Variants in SH3GL3 observed in about 807,000 individuals in gnomAD.
The protein encoded by SH3GL3 is endophilin-A3.
A neutral mutation model predicts 47.7 loss-of-function variants in SH3GL3; 33 were observed. The observed-to-expected ratio is 0.69, with a 90% confidence interval of 0.52 to 0.92. The LOEUF (loss-of-function observed/expected upper bound fraction) is 0.92, where lower values mean the gene tolerates loss of function less well. Among genes scored for constraint, SH3GL3 ranks in the 40% least tolerant of loss-of-function variants. SH3GL3 has a pLI of 0.00. For missense variants in SH3GL3, 363 were observed against 417.8 expected (o/e 0.87, Z 1.14); for synonymous variants, 155 against 148.8 (o/e 1.04, Z -0.30).
intron 1 of SH3GL3, among the ~76,000 whole-genome samples, chr15:83,494,662 G>A (rs1323292451): frequency 2.6e-5 from 4 of 151,520 alleles, no homozygotes; most frequent in Non-Finnish European, 5.9e-5. Flanking sequence ...CCTGCCTCAG[G>A]CTCCTGAGTA....
intron 7 of SH3GL3, 150 bp downstream of exon 7, chr15:83,587,236 G>A (rs2059979366): frequency 3.5e-6 from 2 of 564,590 alleles, no homozygotes; most frequent in Admixed American, 6.6e-5. Flanking sequence ...GGTTGGATGT[G>A]GGATGGGACT....
intron 6 of SH3GL3, among the ~76,000 whole-genome samples, chr15:83,584,541 T>A (rs1169618891): frequency 6.6e-6 from 1 of 152,204 alleles, no homozygotes; most frequent in Admixed American, 6.5e-5. Flanking sequence ...ACTTCACACA[T>A]TTGTCAACCA....
chr15:83,541,310 C>CAATTTTTTTTTTTTTTT (rs1567318555), intron 1 of SH3GL3, among the ~76,000 whole-genome samples: 2 of 47,750 alleles, frequency 4.2e-5, no homozygotes, highest in African/African-American at 1.3e-4. Flanking sequence ...TATGGTAATT[C>CAATTTTTTTTTTTTTTT]TATTTTTTTT....
the SH3GL3 span, among the ~76,000 whole-genome samples, chr15:83,626,951 C>G: frequency 6.6e-6 from 1 of 152,134 alleles, no homozygotes; most frequent in African/African-American, 2.4e-5. Flanking sequence ...TTATCCAGGT[C>G]TAAGGCAGGT....
At chr15:83,628,525 A>G in the SH3GL3 span, among the ~76,000 whole-genome samples, 2 of 152,102 alleles carry the variant, frequency 1.3e-5, no homozygotes, top group Admixed American at 1.3e-4. Context: ...GGTGGATCAC[A>G]TGAGGTCAGG....
chr15:83,459,688 C>G (rs2040173897), intron 1 of SH3GL3, among the ~76,000 whole-genome samples: 1 of 152,194 alleles, frequency 6.6e-6, no homozygotes. Flanking sequence ...TGCCTAATTT[C>G]AAATTGAAAG....
At chr15:83,457,005 TA>T (rs2151496762) in intron 1 of SH3GL3, among the ~76,000 whole-genome samples, 1 of 152,340 alleles carries the variant, frequency 6.6e-6, no homozygotes, top group East Asian at 1.9e-4. Context: ...ACCTCACCAA[TA>T]AAAATATAGC....
intron 1 of SH3GL3, among the ~76,000 whole-genome samples, chr15:83,520,591 G>A (rs1249430851): frequency 2.0e-5 from 3 of 152,184 alleles, no homozygotes; most frequent in African/African-American, 4.8e-5. Context: ...TACAGACTGA[G>A]CTACATGCTT....
intron 1 of SH3GL3, among the ~76,000 whole-genome samples, chr15:83,510,942 T>G (rs2042720504): frequency 6.8e-6 from 1 of 147,800 alleles, no homozygotes; most frequent in Non-Finnish European, 1.5e-5. Context: ...AATTGAACAA[T>G]GAGAACACTT....
intron 1 of SH3GL3, among the ~76,000 whole-genome samples, chr15:83,555,744 G>A (rs910908922): frequency 2.0e-5 from 3 of 152,102 alleles, no homozygotes; most frequent in African/African-American, 7.2e-5. Flanking sequence ...CTTGAACCCA[G>A]ACTCTGGTCT....
intron 5 of SH3GL3, among the ~76,000 whole-genome samples, chr15:83,574,774 C>T (rs530013641): frequency 6.6e-6 from 1 of 152,310 alleles, no homozygotes; most frequent in East Asian, 1.9e-4. Flanking sequence ...TCCCTGGTGA[C>T]GTTTTGCTTT....
downstream of SH3GL3, among the ~76,000 whole-genome samples, chr15:83,619,481 G>A (rs1055695306): frequency 1.3e-5 from 2 of 152,088 alleles, no homozygotes; most frequent in African/African-American, 4.8e-5. Context: ...ATACCTAGGC[G>A]ATGGGTTGGT....
intron 1 of SH3GL3, among the ~76,000 whole-genome samples, chr15:83,457,762 C>CT (rs35396226): frequency 1.3e-5 from 2 of 151,834 alleles, no homozygotes; most frequent in East Asian, 1.9e-4. Context: ...TTGATAAATC[C>CT]TTTTTTTTAA....
intron 1 of SH3GL3, among the ~76,000 whole-genome samples, chr15:83,545,564 T>G (rs909009888): frequency 4.6e-5 from 7 of 152,202 alleles, no homozygotes; most frequent in African/African-American, 1.7e-4. Context: ...TTCTGGACGG[T>G]CTTGATACTT....
intron 1 of SH3GL3, among the ~76,000 whole-genome samples, chr15:83,508,978 G>A (rs186408339): frequency 1.3e-5 from 2 of 152,320 alleles, no homozygotes; most frequent in East Asian, 3.9e-4. Flanking sequence ...GATTAGAGGC[G>A]ATTGTAACGC....
At chr15:83,473,604 G>C (rs1039443453) in intron 1 of SH3GL3, among the ~76,000 whole-genome samples, 11 of 151,196 alleles carry the variant, frequency 7.3e-5, no homozygotes, top group African/African-American at 2.7e-4. Context: ...TTGGAGTGCA[G>C]TGGCACGATC....
intron 1 of SH3GL3, among the ~76,000 whole-genome samples, chr15:83,521,539 G>C (rs2043204778): frequency 6.6e-6 from 1 of 152,116 alleles, no homozygotes; most frequent in African/African-American, 2.4e-5. Context: ...GACCGTCAAG[G>C]CTAAAAGCAG....
chr15:83,456,121 G>A (rs1306431544), intron 1 of SH3GL3, among the ~76,000 whole-genome samples: 2 of 87,978 alleles, frequency 2.3e-5, no homozygotes, highest in African/African-American at 3.9e-5. Flanking sequence ...TAGGCTGCTC[G>A]GGGGTCAGGG....
chr15:83,500,955 C>T (rs755959502), intron 1 of SH3GL3, among the ~76,000 whole-genome samples: 10 of 152,174 alleles, frequency 6.6e-5, no homozygotes, highest in Non-Finnish European at 1.2e-4. Flanking sequence ...CTACGAAGGC[C>T]CTTTGAAAAG....
Sources: allele counts gnomAD v4.1 joint callset (sites outside exome capture counted in the v4.1 genomes callset), GRCh38; gene constraint gnomAD v4.1.1; transcripts MANE v1.5; gene names NCBI Gene and HGNC (gene_info 2026-07-23, HGNC 2026-07-21).